HS6ST1: variants seen among roughly 807,000 people sequenced by gnomAD.
HS6ST1 encodes heparan-sulfate 6-O-sulfotransferase 1.
In HS6ST1, 3 loss-of-function variants were observed where a neutral mutation model predicts 25.2. The ratio of observed to expected loss-of-function variants is 0.12; its 90% CI spans 0.05 to 0.31. HS6ST1 has a LOEUF of 0.31. Ranked by LOEUF, HS6ST1 falls within the 10% of genes least tolerant of loss-of-function variation. The pLI, the probability that HS6ST1 is intolerant of heterozygous loss-of-function variation, is 1.00. For synonymous variants in HS6ST1, 204 were observed against 275.1 expected, an observed-to-expected ratio of 0.74 and a Z score of 2.56; for missense variants, 310 against 609.6, an observed-to-expected ratio of 0.51 and a Z score of 5.18.
At position 128,295,091 on chromosome 2, in the gene HS6ST1, T is replaced by C. The variant is rs1218836472; in HGVS notation, c.527+22946A>G. On this transcript the variant is annotated intron_variant, in intron 1 of 1. Coordinates refer to ENST00000259241, the MANE Select transcript of HS6ST1 (RefSeq NM_004807.3). ...TGAGGAACCAGCAACTGAGTGACCA[T>C]GCGCAGATCCAGTGCCCTCTGAGCC... 2.0e-5 allele frequency among the ~76,000 whole-genome samples: 3 copies of C among 152,136 alleles called. No individual in the cohort carries two copies. The East Asian group carries it at 5.8e-4, about 29-fold the overall frequency.
At chr2:128,302,228 T>G (rs1187651023) in intron 1 of HS6ST1, among the ~76,000 whole-genome samples, 2 of 152,164 alleles carry the variant, frequency 1.3e-5, no homozygotes, top group African/African-American at 2.4e-5. Context: ...TCAGGCCCCA[T>G]GACTCACTGG....
At chr2:128,270,156 A>G (rs1157993360) in intron 1 of HS6ST1, among the ~76,000 whole-genome samples, 6 of 152,282 alleles carry the variant, frequency 3.9e-5, no homozygotes, top group African/African-American at 1.4e-4. Context: ...CTGCATGCAG[A>G]CTGCCGAGGA....
chr2:128,298,880 G>A lies in HS6ST1; in HGVS notation c.527+19157C>T, dbSNP rs188565759. ...CACAACGAGTGTCCTCAAGAGCCAAGTCCCAACAGCTTCTCAGGAGGGAAA... is the reference window on the plus strand; with the variant it reads ...CACAACGAGTGTCCTCAAGAGCCAAATCCCAACAGCTTCTCAGGAGGGAAA... On this transcript the variant is annotated intron_variant, in intron 1 of 1. Coordinates refer to ENST00000259241, the MANE Select transcript of HS6ST1 (RefSeq NM_004807.3). Among the ~76,000 whole-genome samples, 244 of 152,356 alleles carry A rather than the reference G, an allele frequency of 1.6e-3. 3 individuals carry two copies. Among genetic ancestry groups the A allele is most frequent in the African/African-American group, 5.1e-3 (211 of 41,582 alleles).
intron 1 of HS6ST1, among the ~76,000 whole-genome samples, chr2:128,305,212 C>G (rs1268635798): frequency 6.6e-6 from 1 of 152,242 alleles, no homozygotes; most frequent in Non-Finnish European, 1.5e-5. Context: ...TGGCTGAAAC[C>G]TGACACCCCT....
rs1393379021 is a variant in HS6ST1 at position 128,266,698 on chromosome 2, CCCTA to C, written c.*1460_*1463del. The C allele has an allele frequency of 1.3e-5, 2 of 152,384 alleles. No individual in the cohort carries two copies. The highest frequency in any genetic ancestry group is 2.9e-5 in the Non-Finnish European group (2 of 68,200). The allele number at this position is 152,384 out of a possible 1,614,324, so 9.4% of individuals were successfully genotyped here. ...GCCAGGTGGCCTGCAGAGCCCACTG[CCCTA>C]CCTCTGAGTCAGCCTGCGGCCTGAG... On this transcript the variant is annotated 3_prime_UTR_variant, in exon 2 of 2. Coordinates refer to ENST00000259241, the MANE Select transcript of HS6ST1 (RefSeq NM_004807.3).
chr2:128,312,924 G>C (rs548957993), intron 1 of HS6ST1, among the ~76,000 whole-genome samples: 13 of 152,254 alleles, frequency 8.5e-5, no homozygotes, highest in African/African-American at 2.9e-4. Context: ...TTAGCCAAGT[G>C]TAGTGACGGG....
intron 1 of HS6ST1, among the ~76,000 whole-genome samples, chr2:128,280,856 C>T (rs1693775682): frequency 6.6e-6 from 1 of 152,232 alleles, no homozygotes; most frequent in Admixed American, 6.5e-5. Flanking sequence ...CAGAGAGCCC[C>T]CTCTTGCCTC....
chr2:128,270,293 G>A (rs999094889), intron 1 of HS6ST1, among the ~76,000 whole-genome samples: 1 of 152,232 alleles, frequency 6.6e-6, no homozygotes, highest in African/African-American at 2.4e-5. Flanking sequence ...CGACCCCAGG[G>A]TCAGGCACGG....
intron 1 of HS6ST1, among the ~76,000 whole-genome samples, chr2:128,311,807 G>C (rs1488312809): frequency 6.6e-6 from 1 of 152,286 alleles, no homozygotes; most frequent in East Asian, 1.9e-4. Context: ...CTCCTGCAGG[G>C]CTGATCCTCC....
intron 1 of HS6ST1, among the ~76,000 whole-genome samples, chr2:128,294,696 G>A (rs904808615): frequency 6.0e-5 from 9 of 150,166 alleles, no homozygotes; most frequent in Non-Finnish European, 1.0e-4. Flanking sequence ...GTGTGTGTGT[G>A]TGTGTGTGTG....
At position 128,265,611 on chromosome 2, in the gene HS6ST1, T is replaced by A. The variant is rs1345200827; in HGVS notation, c.*2551A>T. 2 of 151,988 alleles carry A rather than the reference T, an allele frequency of 1.3e-5. No homozygotes were observed. Among genetic ancestry groups the A allele is most frequent in the Non-Finnish European group, 2.9e-5 (2 of 67,986 alleles). The allele number at this position is 151,988 out of a possible 1,614,324, so 9.4% of individuals were successfully genotyped here. The stretch of plus-strand genomic sequence containing the variant: ...AATAACCAAAAAATTTCTTCAACAC[T>A]TTTTTTTAAGAAGAAGCTATAAATA... On this transcript the variant is annotated 3_prime_UTR_variant, in exon 2 of 2. Coordinates refer to ENST00000259241, the MANE Select transcript of HS6ST1 (RefSeq NM_004807.3).
chr2:128,286,425 C>T (rs368621755), intron 1 of HS6ST1, among the ~76,000 whole-genome samples: 6 of 152,112 alleles, frequency 3.9e-5, no homozygotes, highest in African/African-American at 7.2e-5. Flanking sequence ...GCTTGGAGGA[C>T]GAGGAGGAGC....
rs377712197 is a variant in HS6ST1 at position 128,268,322 on chromosome 2, T to C, written c.1076A>G (p.Tyr359Cys). Reference protein sequence around the residue: ...DYAKDLFQQRYQYKRQLERRE... With the variant: ...DYAKDLFQQRCQYKRQLERRE... Reference sequence around the variant, plus strand: ...GCGCTCCAGCTGCCGCTTGTACTGGTAGCGCTGCTGGAAGAGGTCCTTGGC... The same window carrying C: ...GCGCTCCAGCTGCCGCTTGTACTGGCAGCGCTGCTGGAAGAGGTCCTTGGC... The change falls in exon 2 of 2, where the codon TAC becomes TGC. Residue 359 changes from tyrosine (Y) to cysteine (C), a missense_variant. Physicochemically the swap from Tyr to Cys is radical, Grantham distance 194. Coordinates refer to ENST00000259241, the MANE Select transcript of HS6ST1 (RefSeq NM_004807.3). 3.1e-6 allele frequency: 5 copies of C among 1,613,380 alleles called. No individual in the cohort carries two copies. In the African/African-American group the frequency reaches 5.3e-5, roughly 17 times the overall value.
intron 1 of HS6ST1, among the ~76,000 whole-genome samples, chr2:128,312,244 C>T (rs1164669309): frequency 1.3e-5 from 2 of 152,254 alleles, no homozygotes; most frequent in East Asian, 3.8e-4. Flanking sequence ...GCCTTCAGGA[C>T]AGACAGACAG....
chr2:128,284,332 C>T (rs1459126751), intron 1 of HS6ST1, among the ~76,000 whole-genome samples: 2 of 152,100 alleles, frequency 1.3e-5, no homozygotes, highest in Non-Finnish European at 2.9e-5. Flanking sequence ...CTCTTGCCTC[C>T]CTCCCACCTG....
chr2:128,299,431 T>C (rs946337604), intron 1 of HS6ST1, among the ~76,000 whole-genome samples: 1 of 152,180 alleles, frequency 6.6e-6, no homozygotes. Context: ...CTGGCCCCAG[T>C]CTCAGTGTGA....
chr2:128,318,774 T>G lies in HS6ST1; in HGVS notation c.-211A>C. Among the ~76,000 whole-genome samples the G allele has an allele frequency of 6.9e-6, 1 of 145,456 alleles. No individual in the cohort carries two copies. The highest frequency in any genetic ancestry group is 1.5e-5 in the Non-Finnish European group (1 of 65,776). On this transcript the variant is annotated 5_prime_UTR_variant, in exon 1 of 2. Transcript: ENST00000259241. The surrounding 1 kb of genome is among the most constrained non-coding windows in gnomAD (Gnocchi z 5.7). ...CCCCGGGCCCGACGCCCGACTCCGCTCCCGCTCGGCCCCGCTCCCGGCCCC... is the reference window on the plus strand; with the variant it reads ...CCCCGGGCCCGACGCCCGACTCCGCGCCCGCTCGGCCCCGCTCCCGGCCCC...
chr2:128,293,310 G>A (rs1419600316), intron 1 of HS6ST1, among the ~76,000 whole-genome samples: 1 of 152,254 alleles, frequency 6.6e-6, no homozygotes, highest in East Asian at 1.9e-4. Flanking sequence ...GGGCCAGCCT[G>A]GGCCTGGGCA....
chr2:128,272,717 G>GT (rs200012904), intron 1 of HS6ST1, among the ~76,000 whole-genome samples: 3,198 of 152,274 alleles, frequency 0.021, 64 homozygotes, highest in Middle Eastern at 0.051. Flanking sequence ...AATGACTCGG[G>GT]TTTTTTGTGT....
Sources: allele counts gnomAD v4.1 joint callset (sites outside exome capture counted in the v4.1 genomes callset), GRCh38; gene constraint gnomAD v4.1.1; non-coding constraint Gnocchi (gnomAD v3.1); transcripts MANE v1.5; gene names NCBI Gene and HGNC (gene_info 2026-07-23, HGNC 2026-07-21).